The following ICA1 variants were observed in gnomAD, a reference collection of about 807,000 sequenced individuals.
ICA1 encodes 69 kDa islet cell autoantigen.
ICA1 carries 40 observed loss-of-function variants against 71.0 expected under a neutral mutation model. The observed-to-expected ratio is 0.56, with a 90% confidence interval of 0.44 to 0.73. The LOEUF (loss-of-function observed/expected upper bound fraction) is 0.73. ICA1 is among the 30% of genes least tolerant of loss of function. ICA1 has a pLI of 0.00. For synonymous variants in ICA1, 207 were observed against 209.5 expected, an observed-to-expected ratio of 0.99 and a Z score of 0.10; for missense variants, 578 against 576.5, an observed-to-expected ratio of 1.00 and a Z score of -0.03.
chr7:8,232,788 C>T (rs777786912), intron 2 of ICA1, 33 bp from the exon 3 acceptor site: 3 of 1,499,208 alleles, frequency 2.0e-6, no homozygotes, highest in Non-Finnish European at 2.7e-6. Flanking sequence ...TTTATTCACA[C>T]CTTTCATAAA....
chr7:8,221,084 A>G (rs1204882702), intron 5 of ICA1, among the ~76,000 whole-genome samples, 191 bp downstream of exon 5: 2 of 151,046 alleles, frequency 1.3e-5, no homozygotes, highest in African/African-American at 4.9e-5. Flanking sequence ...AATAGGGAGG[A>G]AAAAAAAATC....
At chr7:8,228,753 A>C (rs1193543534) in intron 3 of ICA1, 80 bp from the exon 4 acceptor site, 4 of 933,318 alleles carry the variant, frequency 4.3e-6, no homozygotes, top group Non-Finnish European at 4.8e-6. Flanking sequence ...ACACAACCAG[A>C]GTGTTCAATT....
At chr7:8,212,938 T>C (rs556362537) in intron 6 of ICA1, among the ~76,000 whole-genome samples, 1 of 152,316 alleles carries the variant, frequency 6.6e-6, no homozygotes, top group Non-Finnish European at 1.5e-5. Context: ...AATTCAGAAC[T>C]GGAAGCATGG....
At chr7:8,174,983 T>TG (rs374958230) in intron 6 of ICA1, among the ~76,000 whole-genome samples, 178 of 152,200 alleles carry the variant, frequency 1.2e-3, no homozygotes, top group African/African-American at 4.2e-3. Flanking sequence ...AAGAGAGGAA[T>TG]GGGTGGTTAA....
chr7:8,204,750 C>T lies in ICA1; in HGVS notation c.579+13555G>A, dbSNP rs755291051. 5.9e-5 allele frequency among the ~76,000 whole-genome samples: 9 copies of T among 152,190 alleles called. 1 individual carries two copies. In the South Asian group the frequency reaches 1.5e-3, roughly 25 times the overall value. On this transcript the variant is annotated intron_variant, in intron 6 of 13. Coordinates refer to ENST00000402384, the MANE Select transcript of ICA1 (RefSeq NM_001136020.3). ...TCATGTTTAACGTTCTTTTAAAGTA[C>T]GTTTTTCTTATTTTCTGGATTAAAT...
chr7:8,239,654 C>T (rs1583648822), intron 1 of ICA1, among the ~76,000 whole-genome samples: 1 of 152,314 alleles, frequency 6.6e-6, no homozygotes, highest in East Asian at 1.9e-4. Flanking sequence ...TGAGGGAAGG[C>T]ATGACAGACT....
Position 8,238,347 on chromosome 7 carries a change from G to A in ICA1, c.-79-2342C>T, listed in dbSNP as rs546697770. On this transcript the variant is annotated intron_variant, in intron 1 of 13. Transcript: ENST00000402384. ...TAATAGCCATCCGAAGCATTGTGAG[G>A]TGATATCTCATGGTTTTGGTTTACA... Among the ~76,000 whole-genome samples the A allele has an allele frequency of 1.3e-5, 2 of 152,278 alleles. 1 individual carries two copies. The highest frequency in any genetic ancestry group is 4.1e-4 in the South Asian group (2 of 4,824).
chr7:8,236,485 T>C (rs1452294159), intron 1 of ICA1, among the ~76,000 whole-genome samples: 1 of 152,232 alleles, frequency 6.6e-6, no homozygotes, highest in Non-Finnish European at 1.5e-5. Flanking sequence ...GTGGTGAATA[T>C]ATTGCATCTG....
chr7:8,249,712 C>A (rs1807474898), intron 1 of ICA1, among the ~76,000 whole-genome samples: 1 of 152,170 alleles, frequency 6.6e-6, no homozygotes, highest in Non-Finnish European at 1.5e-5. Flanking sequence ...GACCAGTCTT[C>A]AATATTTTGT....
rs1801715233 is a variant in ICA1, at chr7:8,235,930, T to G, written c.-4A>C. On this transcript the variant is annotated 5_prime_UTR_variant, in exon 2 of 14. Transcript: ENST00000402384. The stretch of plus-strand genomic sequence containing the variant: ...CTTACCATTTGTGTCCTGACATGTT[T>G]TCTTCTTCTTCTATTGTTGATGATT... 1 of 1,612,394 alleles carries G rather than the reference T, an allele frequency of 6.2e-7. No individual in the cohort carries two copies. Among genetic ancestry groups the G allele is most frequent in the East Asian group, 2.2e-5 (1 of 44,782 alleles).
rs1415557232 is a variant in ICA1 at position 8,144,705 on chromosome 7, C to T, written c.805-733G>A. 6.6e-6 allele frequency among the ~76,000 whole-genome samples: 1 copy of T among 151,932 alleles called. No individual in the cohort carries two copies. The highest frequency in any genetic ancestry group is 1.5e-5 in the Non-Finnish European group (1 of 67,978). ...GTGACAATGATCCTGAAAGAAAAAGCAAAACATTTCTAGAACTGAATAATG... is the reference window on the plus strand; with the variant it reads ...GTGACAATGATCCTGAAAGAAAAAGTAAAACATTTCTAGAACTGAATAATG... On this transcript the variant is annotated intron_variant, in intron 8 of 13. Transcript: ENST00000402384. This position sits in a 1 kb window ranked among gnomAD's most constrained non-coding sequence, Gnocchi z 4.5.
chr7:8,211,189 A>G (rs1365751421), intron 6 of ICA1, among the ~76,000 whole-genome samples: 2 of 152,200 alleles, frequency 1.3e-5, no homozygotes, highest in South Asian at 2.1e-4. Flanking sequence ...TTTACTTAGC[A>G]TATGTGTTTT....
chr7:8,245,868 A>G (rs1376021890), intron 1 of ICA1, among the ~76,000 whole-genome samples: 5 of 152,254 alleles, frequency 3.3e-5, no homozygotes, highest in African/African-American at 1.2e-4. Flanking sequence ...AGACAGATAT[A>G]TAATTTCCAG....
chr7:8,170,503 T>G (rs1807912235), intron 6 of ICA1, among the ~76,000 whole-genome samples: 1 of 152,020 alleles, frequency 6.6e-6, no homozygotes, highest in Non-Finnish European at 1.5e-5. Flanking sequence ...TAAATTGTCT[T>G]GGCACTTTTT....
chr7:8,249,476 A>G (rs1807382671), intron 1 of ICA1, among the ~76,000 whole-genome samples: 1 of 152,208 alleles, frequency 6.6e-6, no homozygotes, highest in Non-Finnish European at 1.5e-5. Context: ...GATATACTCT[A>G]GCCATTGGAG....
At chr7:8,228,996 T>G (rs1167137513) in intron 3 of ICA1, among the ~76,000 whole-genome samples, 1 of 152,102 alleles carries the variant, frequency 6.6e-6, no homozygotes, top group Non-Finnish European at 1.5e-5. Context: ...GAGGACTTGG[T>G]AAACCAGAGA....
intron 4 of ICA1, among the ~76,000 whole-genome samples, chr7:8,224,063 T>C (rs11973488): frequency 0.11 from 16,432 of 152,128 alleles, 2,292 homozygotes; most frequent in African/African-American, 0.33. Context: ...ACAGAGCTTA[T>C]ATTCAAGCAG....
chr7:8,198,848 C>A (rs763624445), intron 6 of ICA1, among the ~76,000 whole-genome samples: 2 of 152,006 alleles, frequency 1.3e-5, no homozygotes, highest in African/African-American at 2.4e-5. Context: ...GTGCAAACTA[C>A]CTGACAATGG....
At chr7:8,242,897 C>T (rs1804498335) in intron 1 of ICA1, among the ~76,000 whole-genome samples, 1 of 152,176 alleles carries the variant, frequency 6.6e-6, no homozygotes, top group South Asian at 2.1e-4. Flanking sequence ...AGACCAATAA[C>T]AGGCTCTGAA....
Sources: allele counts gnomAD v4.1 joint callset (sites outside exome capture counted in the v4.1 genomes callset), GRCh38; gene constraint gnomAD v4.1.1; non-coding constraint Gnocchi (gnomAD v3.1); transcripts MANE v1.5; gene names NCBI Gene and HGNC (gene_info 2026-07-23, HGNC 2026-07-21).